The following DIP2C variants were observed in gnomAD, a reference collection of about 807,000 sequenced individuals.
DIP2C encodes the protein disco-interacting protein 2 homolog C.
Under a neutral mutation model 192.4 loss-of-function variants are expected in DIP2C, and 33 were observed. The observed-to-expected ratio is 0.17, with a 90% confidence interval of 0.13 to 0.23. DIP2C has a LOEUF of 0.23. Ranked by LOEUF, DIP2C falls within the 10% of genes least tolerant of loss-of-function variation. The probability of loss-of-function intolerance (pLI) is 1.00; values close to 1 mark genes in which losing one functional copy is unlikely to be tolerated. For synonymous variants in DIP2C, 979 were observed against 864.1 expected (o/e 1.13, Z -2.33); for missense variants, 1,537 against 2,110.1 (o/e 0.73, Z 5.32).
chr10:294,428 G>C (rs542252583), intron 32 of DIP2C, among the ~76,000 whole-genome samples: 1 of 151,934 alleles, frequency 6.6e-6, no homozygotes, highest in Non-Finnish European at 1.5e-5. Context: ...GCAATGTGGC[G>C]AGACCCCATC....
chr10:414,402 C>A (rs915420203), intron 7 of DIP2C, among the ~76,000 whole-genome samples: 4 of 152,158 alleles, frequency 2.6e-5, no homozygotes, highest in African/African-American at 9.7e-5. Flanking sequence ...TGCCCAGAGG[C>A]TGGAATTCAA....
intron 1 of DIP2C, chr10:667,771 CATA>C (rs911833634): frequency 7.9e-5 from 12 of 152,212 alleles, no homozygotes; most frequent in African/African-American, 2.9e-4. Context: ...ATAACATGCA[CATA>C]CAACACACAA....
At chr10:480,466 C>G (rs1373618780) in intron 2 of DIP2C, among the ~76,000 whole-genome samples, 2 of 152,244 alleles carry the variant, frequency 1.3e-5, no homozygotes, top group Non-Finnish European at 2.9e-5. Flanking sequence ...TCCATGCTCA[C>G]TGGATGACGG....
chr10:591,882 G>A (rs899383974), intron 1 of DIP2C, among the ~76,000 whole-genome samples: 18 of 152,150 alleles, frequency 1.2e-4, no homozygotes, highest in South Asian at 4.1e-4. Flanking sequence ...AGACAGCGGC[G>A]GCCTGAATGA....
At chr10:591,667 G>A (rs17159720) in intron 1 of DIP2C, among the ~76,000 whole-genome samples, 7,841 of 152,140 alleles carry the variant, frequency 0.052, 255 homozygotes, top group East Asian at 0.18. Context: ...TCTGCCTGCC[G>A]GTGAGTTAGA....
At chr10:327,305 C>A in intron 30 of DIP2C, 129 bp from the exon 31 acceptor site, 4 of 996,534 alleles carry the variant, frequency 4.0e-6, no homozygotes, top group Non-Finnish European at 5.7e-6. Flanking sequence ...TCCAGGGCCA[C>A]CTGTGTCCAC....
chr10:482,887 G>C (rs1277186102), intron 2 of DIP2C, among the ~76,000 whole-genome samples: 4 of 152,218 alleles, frequency 2.6e-5, no homozygotes, highest in African/African-American at 9.6e-5. Context: ...AGAAGGGTGA[G>C]AGCGAAGTGG....
At chr10:425,434 AAT>A (rs1966524028) in intron 4 of DIP2C, among the ~76,000 whole-genome samples, 1 of 151,400 alleles carries the variant, frequency 6.6e-6, no homozygotes, top group Non-Finnish European at 1.5e-5. Context: ...AGCAGTGACT[AAT>A]ATGACACGGA....
chr10:532,341 T>C (rs974847792), intron 1 of DIP2C, among the ~76,000 whole-genome samples: 3 of 152,032 alleles, frequency 2.0e-5, no homozygotes, highest in Non-Finnish European at 4.4e-5. Context: ...CTCTCTCCCC[T>C]GGACAGACCC....
chr10:439,359 G>A lies in DIP2C; in HGVS notation c.394+1512C>T, dbSNP rs61837198. Among the ~76,000 whole-genome samples the A allele has an allele frequency of 6.0e-4, 69 of 115,216 alleles. 1 individual carries two copies. Among genetic ancestry groups the A allele is most frequent in the Admixed American group, 3.1e-3 (40 of 12,946 alleles). The allele number at this position is 115,216 out of a possible 152,430, so 75.6% of individuals were successfully genotyped here. ...GCCCACTGGCATTTGCTAGCACGGC[G>A]TTCACTCTCTTGCCCGCTGGCACTG... is the stretch of plus-strand genomic sequence containing the variant. On this transcript the variant is annotated intron_variant, in intron 4 of 36. Transcript: ENST00000280886.
intron 3 of DIP2C, among the ~76,000 whole-genome samples, chr10:467,282 C>T (rs974658800): frequency 5.3e-5 from 8 of 150,394 alleles, no homozygotes; most frequent in South Asian, 4.2e-4. Context: ...ATCGCAAAAA[C>T]GAAAAACCAA....
At chr10:581,329 TCAAA>T (rs542813317) in intron 1 of DIP2C, among the ~76,000 whole-genome samples, 85 of 152,330 alleles carry the variant, frequency 5.6e-4, no homozygotes, top group Non-Finnish European at 9.3e-4. Flanking sequence ...AGTATGATGG[TCAAA>T]CAGTGGCCAC....
At position 545,165 on chromosome 10, in the gene DIP2C, CCTT is replaced by C. The variant is rs1169178026; in HGVS notation, c.86-58638_86-58636del. ...CTGATCCAACATGACTGGTGTTTTCCCTTTTTTTTTTTTTTTTTTTTTTTGAGT... is the reference window on the plus strand; with the variant it reads ...CTGATCCAACATGACTGGTGTTTTCCTTTTTTTTTTTTTTTTTTTTTGAGT... On this transcript the variant is annotated intron_variant, in intron 1 of 36. Coordinates refer to ENST00000280886, the MANE Select transcript of DIP2C (RefSeq NM_014974.3). 2.0e-4 allele frequency among the ~76,000 whole-genome samples: 18 copies of C among 91,896 alleles called. No homozygotes were observed. The South Asian group carries it at 3.0e-3, about 15-fold the overall frequency. 60.3% of individuals were successfully genotyped at this position (91,896 alleles called of 152,430 possible). A position where few individuals can be genotyped will look rare whatever the true frequency, so the allele number is the denominator to read the frequency against.
intron 1 of DIP2C, among the ~76,000 whole-genome samples, chr10:498,834 G>A (rs2133632280): frequency 6.6e-6 from 1 of 152,258 alleles, no homozygotes. Context: ...GCGAATTAAG[G>A]AGGCAATGCG....
intron 28 of DIP2C, among the ~76,000 whole-genome samples, chr10:342,848 A>G (rs1958224715): frequency 1.3e-5 from 2 of 152,132 alleles, no homozygotes; most frequent in Non-Finnish European, 2.9e-5. Flanking sequence ...TAGTCCCCCT[A>G]CAGTCTGTGT....
At chr10:676,793 G>A (rs922457627) in intron 1 of DIP2C, among the ~76,000 whole-genome samples, 1 of 152,006 alleles carries the variant, frequency 6.6e-6, no homozygotes, top group Admixed American at 6.6e-5. Context: ...AAAGGGTGGC[G>A]GGAAGGGAGA....
chr10:666,804 G>A lies in DIP2C; in HGVS notation c.85+22690C>T, dbSNP rs1226170747. 6.6e-5 allele frequency: 10 copies of A among 152,240 alleles called. No homozygotes were observed. The highest frequency in any genetic ancestry group is 2.2e-4 in the African/African-American group (9 of 41,420). The allele number at this position is 152,240 out of a possible 1,614,324, so 9.4% of individuals were successfully genotyped here. A position where few individuals can be genotyped will look rare whatever the true frequency, so the allele number is the denominator to read the frequency against. On this transcript the variant is annotated intron_variant, in intron 1 of 36. Coordinates refer to ENST00000280886, the MANE Select transcript of DIP2C (RefSeq NM_014974.3). This position sits in a 1 kb window ranked among gnomAD's most constrained non-coding sequence, Gnocchi z 4.1. ...GGCCTGCCTACTTCCCCAGGCCTAC[G>A]GGGACAGATGTAGCTCCCCAGGAAA...
intron 3 of DIP2C, among the ~76,000 whole-genome samples, chr10:463,907 T>C (rs1035129485): frequency 6.6e-6 from 1 of 152,202 alleles, no homozygotes; most frequent in African/African-American, 2.4e-5. Context: ...TTATTCCCTA[T>C]TTAATAAATG....
At chr10:310,663 T>C (rs1776225808) in intron 31 of DIP2C, among the ~76,000 whole-genome samples, 1 of 152,174 alleles carries the variant, frequency 6.6e-6, no homozygotes, top group African/African-American at 2.4e-5. Context: ...CCTGGAGAGC[T>C]GGGCAGGACT....
Sources: gnomAD v4.1 joint callset for allele counts (sites outside exome capture counted in the v4.1 genomes callset) on GRCh38, gnomAD v4.1.1 for gene constraint, Gnocchi (gnomAD v3.1) non-coding constraint, MANE v1.5 for transcripts, NCBI Gene and HGNC (gene_info 2026-07-23, HGNC 2026-07-21) for gene names.